Variants in CADM2 observed in about 807,000 individuals in gnomAD.
The protein encoded by CADM2 is cell adhesion molecule 2.
A neutral mutation model predicts 49.8 loss-of-function variants in CADM2; 12 were observed. The observed-to-expected ratio is 0.24, with a 90% CI of 0.15 to 0.39. The LOEUF (loss-of-function observed/expected upper bound fraction) is 0.39, where lower values mean the gene tolerates loss of function less well. CADM2 is among the 10% of genes least tolerant of loss of function. CADM2 has a pLI of 1.00. For synonymous variants in CADM2, 214 were observed against 175.4 expected (o/e 1.22, Z -1.74); for missense variants, 378 against 492.3 (o/e 0.77, Z 2.20).
chr3:85,515,875 C>A (rs1277851843), intron 1 of CADM2, among the ~76,000 whole-genome samples: 1 of 151,892 alleles, frequency 6.6e-6, no homozygotes, highest in African/African-American at 2.4e-5. Flanking sequence ...GAGGCAATGA[C>A]AATGCATATT....
intron 1 of CADM2, among the ~76,000 whole-genome samples, chr3:85,378,670 TTC>T (rs770196814): frequency 4.6e-5 from 7 of 151,902 alleles, no homozygotes; most frequent in Non-Finnish European, 1.0e-4. Context: ...GAGAGGGAAG[TTC>T]TCTTTTTACT....
chr3:85,810,142 A>G (rs972008317), intron 3 of CADM2, among the ~76,000 whole-genome samples: 3 of 152,246 alleles, frequency 2.0e-5, no homozygotes, highest in Non-Finnish European at 2.9e-5. Flanking sequence ...CTAAAGTTAC[A>G]GTTATGGGAG....
intron 1 of CADM2, among the ~76,000 whole-genome samples, chr3:85,086,844 A>T (rs1048545081): frequency 1.3e-5 from 2 of 152,092 alleles, no homozygotes; most frequent in African/African-American, 4.8e-5. Context: ...TATTTATCGC[A>T]GCATGTCCAA....
At chr3:85,183,186 A>T (rs1243380749) in intron 1 of CADM2, among the ~76,000 whole-genome samples, 1 of 152,156 alleles carries the variant, frequency 6.6e-6, no homozygotes, top group Non-Finnish European at 1.5e-5. Context: ...TTAGAGGCTA[A>T]AATCTGTCAA....
At chr3:85,559,204 A>C (rs183187225) in intron 1 of CADM2, among the ~76,000 whole-genome samples, 1 of 152,270 alleles carries the variant, frequency 6.6e-6, no homozygotes. Flanking sequence ...TACATTAAAT[A>C]TAAGCATATT....
intron 1 of CADM2, among the ~76,000 whole-genome samples, chr3:85,280,153 C>T (rs1009594224): frequency 2.0e-5 from 3 of 151,574 alleles, no homozygotes; most frequent in African/African-American, 7.3e-5. Context: ...TAATCACATG[C>T]AAAAACTGTA....
rs75263402 is a variant in CADM2, at chr3:85,651,984, C to CTTTTTTTTTTTTT, written c.62-74537_62-74525dup. 6.7e-3 allele frequency among the ~76,000 whole-genome samples: 710 copies of CTTTTTTTTTTTTT among 105,414 alleles called. 14 individuals are homozygous for CTTTTTTTTTTTTT. The highest frequency in any genetic ancestry group is 0.02 in the African/African-American group (577 of 28,166). The allele number at this position is 105,414 out of a possible 152,430, so 69.2% of individuals were successfully genotyped here. ...AGGCGCCTGCCACCACGCCCGGCTACTTTTTTTTTTTTTAATTAGAGACGG... is the reference window on the plus strand; with the variant it reads ...AGGCGCCTGCCACCACGCCCGGCTACTTTTTTTTTTTTTTTTTTTTTTTTTTAATTAGAGACGG... On this transcript the variant is annotated intron_variant, in intron 1 of 9. Transcript: ENST00000383699.
intron 1 of CADM2, among the ~76,000 whole-genome samples, chr3:85,007,578 GAGAA>G (rs2033794406): frequency 6.6e-6 from 1 of 152,140 alleles, no homozygotes; most frequent in Non-Finnish European, 1.5e-5. Flanking sequence ...TTAACTCCGA[GAGAA>G]TGCTTTAACA....
intron 7 of CADM2, among the ~76,000 whole-genome samples, chr3:85,937,089 A>T (rs983499743): frequency 6.6e-5 from 10 of 151,820 alleles, no homozygotes; most frequent in African/African-American, 1.9e-4. Context: ...TTGATTCCAT[A>T]TCTACTTCCA....
intron 1 of CADM2, among the ~76,000 whole-genome samples, chr3:85,197,369 T>G (rs1401571972): frequency 1.3e-5 from 2 of 152,026 alleles, no homozygotes; most frequent in African/African-American, 2.4e-5. Context: ...ATTAGAAATT[T>G]TATACACTTT....
intron 1 of CADM2, among the ~76,000 whole-genome samples, chr3:85,363,305 T>A (rs1228547000): frequency 2.0e-5 from 3 of 152,112 alleles, no homozygotes; most frequent in African/African-American, 7.2e-5. Context: ...CAGAGGTAAA[T>A]CAATGAGGTC....
At chr3:85,153,131 C>T (rs866121200) in intron 1 of CADM2, among the ~76,000 whole-genome samples, 55 of 152,130 alleles carry the variant, frequency 3.6e-4, no homozygotes, top group Non-Finnish European at 6.9e-4. Context: ...CCAGCGTGAG[C>T]GACGCAGAAG....
rs111634358 is a variant in CADM2 at position 85,479,861 on chromosome 3, G to A, written c.62-246661G>A. Among the ~76,000 whole-genome samples the A allele has an allele frequency of 3.5e-3, 538 of 152,000 alleles. 7 individuals are homozygous for A. Among genetic ancestry groups the A allele is most frequent in the African/African-American group, 0.012 (495 of 41,492 alleles). On this transcript the variant is annotated intron_variant, in intron 1 of 9. Coordinates refer to ENST00000383699, the MANE Select transcript of CADM2 (RefSeq NM_001167675.2). Reference sequence around the variant, plus strand: ...TCAAATTCCCAAATTTCTTATAGAAGTCTAGTTGAATTTGGAATGTAAACA... The same window carrying A: ...TCAAATTCCCAAATTTCTTATAGAAATCTAGTTGAATTTGGAATGTAAACA...
At chr3:85,014,084 C>T (rs561740256) in intron 1 of CADM2, among the ~76,000 whole-genome samples, 17 of 133,634 alleles carry the variant, frequency 1.3e-4, no homozygotes, top group East Asian at 2.2e-4. Context: ...ATTATATATA[C>T]GCAGTGTAAA....
At chr3:85,652,799 A>G (rs539729038) in intron 1 of CADM2, among the ~76,000 whole-genome samples, 2 of 10,116 alleles carry the variant, frequency 2.0e-4, no homozygotes, top group Non-Finnish European at 3.3e-4. Context: ...TTTTTTTTAG[A>G]CAGAGTCTTG....
intron 8 of CADM2, among the ~76,000 whole-genome samples, chr3:86,017,266 CT>C (rs1230103544): frequency 1.3e-5 from 2 of 151,078 alleles, no homozygotes; most frequent in African/African-American, 4.9e-5. Flanking sequence ...AAATATATCC[CT>C]TTGAGTCCTC....
intron 1 of CADM2, among the ~76,000 whole-genome samples, chr3:85,504,917 G>A (rs933976246): frequency 4.6e-5 from 7 of 152,150 alleles, no homozygotes; most frequent in Non-Finnish European, 1.0e-4. Flanking sequence ...CCGCTGGCCC[G>A]GGTGCTAAGC....
At chr3:85,812,403 A>G (rs1176722506) in intron 3 of CADM2, among the ~76,000 whole-genome samples, 1 of 152,104 alleles carries the variant, frequency 6.6e-6, no homozygotes, top group Non-Finnish European at 1.5e-5. Flanking sequence ...AAGAGTAACA[A>G]TGTACTGCAC....
chr3:85,435,387 T>G (rs2036878586), intron 1 of CADM2, among the ~76,000 whole-genome samples: 1 of 152,148 alleles, frequency 6.6e-6, no homozygotes. Flanking sequence ...ATGGTGTATA[T>G]GTGCCACATT....
Sources: allele counts gnomAD v4.1 joint callset (sites outside exome capture counted in the v4.1 genomes callset), GRCh38; gene constraint gnomAD v4.1.1; transcripts MANE v1.5; gene names NCBI Gene and HGNC (gene_info 2026-07-23, HGNC 2026-07-21).